Variants in SORCS2 observed in about 807,000 individuals in gnomAD.
SORCS2 encodes VPS10 domain-containing receptor SorCS2.
SORCS2 carries 100 observed loss-of-function variants against 141.6 expected under a neutral mutation model. The observed-to-expected ratio is 0.71, with a 90% confidence interval of 0.60 to 0.83. SORCS2 has a LOEUF of 0.83. Among genes scored for constraint, SORCS2 ranks in the 40% least tolerant of loss-of-function variants. The probability of loss-of-function intolerance (pLI) is 0.00; values close to 1 mark genes in which losing one functional copy is unlikely to be tolerated. For synonymous variants in SORCS2, 789 were observed against 676.9 expected (o/e 1.17, Z -2.57); for missense variants, 1,646 against 1,560.2 (o/e 1.05, Z -0.93).
intron 2 of SORCS2, among the ~76,000 whole-genome samples, chr4:7,514,405 C>G (rs957865769): frequency 1.3e-5 from 2 of 151,908 alleles, no homozygotes; most frequent in African/African-American, 4.8e-5. Flanking sequence ...GCACTCCTGC[C>G]CCTGGGAACC....
intron 3 of SORCS2, among the ~76,000 whole-genome samples, chr4:7,539,589 T>C (rs1712400416): frequency 6.6e-6 from 1 of 152,046 alleles, no homozygotes; most frequent in African/African-American, 2.4e-5. Context: ...TTCCTTCTCT[T>C]TGTCTCTCAC....
At position 7,286,989 on chromosome 4, in the gene SORCS2, C is replaced by T. The variant is rs1281702215; in HGVS notation, c.480+93863C>T. ...CGCTTCTTGCATCAGGTGGCTGCAG[C>T]CCGGCCTGGGAGTTGCCTCCTCCTC... On this transcript the variant is annotated intron_variant, in intron 1 of 26. Transcript: ENST00000507866. The surrounding 1 kb of genome is among the most constrained non-coding windows in gnomAD (Gnocchi z 4.1). 6.6e-6 allele frequency among the ~76,000 whole-genome samples: 1 copy of T among 152,206 alleles called. No individual in the cohort carries two copies. The highest frequency in any genetic ancestry group is 1.5e-5 in the Non-Finnish European group (1 of 68,032).
rs185140631 is a variant in SORCS2 at position 7,474,828 on chromosome 4, C to G, written c.549-56702C>G. Among the ~76,000 whole-genome samples, 59 of 152,272 alleles carry G rather than the reference C, an allele frequency of 3.9e-4. No homozygotes were observed. The East Asian group carries it at 9.9e-3, about 26-fold the overall frequency. On this transcript the variant is annotated intron_variant, in intron 2 of 26. Coordinates refer to ENST00000507866, the MANE Select transcript of SORCS2 (RefSeq NM_020777.3). The stretch of plus-strand genomic sequence containing the variant: ...TCTACAGCTCTGGGAGCCCGAAGCC[C>G]GGAACCAGGGGGTCTGCAGGGCCAG...
chr4:7,197,274 G>T (rs979319602), intron 1 of SORCS2, among the ~76,000 whole-genome samples: 1 of 152,138 alleles, frequency 6.6e-6, no homozygotes, highest in African/African-American at 2.4e-5. Context: ...CTCTTTAAAG[G>T]CCCTGCTTCC....
intron 2 of SORCS2, among the ~76,000 whole-genome samples, chr4:7,440,368 G>T (rs1276379814): frequency 6.6e-6 from 1 of 152,228 alleles, no homozygotes; most frequent in Non-Finnish European, 1.5e-5. Context: ...TGTAAGGGAG[G>T]GTTTGATGCT....
intron 1 of SORCS2, among the ~76,000 whole-genome samples, chr4:7,289,005 A>G (rs1182037948): frequency 6.6e-6 from 1 of 151,836 alleles, no homozygotes; most frequent in Non-Finnish European, 1.5e-5. Context: ...GCCCTGGGTC[A>G]CAGTCTTCTA....
chr4:7,386,957 T>A (rs28971021), intron 1 of SORCS2, among the ~76,000 whole-genome samples: 368 of 4,890 alleles, frequency 0.075, no homozygotes, highest in South Asian at 0.17. Context: ...TACACACATA[T>A]GCACACATGC....
intron 1 of SORCS2, among the ~76,000 whole-genome samples, chr4:7,305,720 C>T (rs568371436): frequency 6.6e-6 from 1 of 152,200 alleles, no homozygotes; most frequent in Non-Finnish European, 1.5e-5. Flanking sequence ...TCTAGGGAGA[C>T]CTTCTCGATG....
chr4:7,433,806 C>A, intron 2 of SORCS2: 4 of 1,613,758 alleles, frequency 2.5e-6, no homozygotes, highest in Non-Finnish European at 3.4e-6. Flanking sequence ...ACTTGCACAC[C>A]TTCTCTGGGG....
intron 1 of SORCS2, among the ~76,000 whole-genome samples, chr4:7,305,724 C>A (rs946117832): frequency 6.6e-6 from 1 of 152,180 alleles, no homozygotes; most frequent in African/African-American, 2.4e-5. Context: ...GGGAGACCTT[C>A]TCGATGCCGC....
At chr4:7,640,847 G>T (rs1202457769) in intron 4 of SORCS2, among the ~76,000 whole-genome samples, 2 of 152,128 alleles carry the variant, frequency 1.3e-5, no homozygotes, top group African/African-American at 4.8e-5. Context: ...GTCAGGGAAC[G>T]AGAGGAATAG....
chr4:7,357,974 T>C (rs1721354544), intron 1 of SORCS2, among the ~76,000 whole-genome samples: 1 of 152,180 alleles, frequency 6.6e-6, no homozygotes. Context: ...GCCTCTGGGG[T>C]CTGCACCTCT....
chr4:7,365,198 A>T (rs1721803531), intron 1 of SORCS2, among the ~76,000 whole-genome samples: 1 of 152,244 alleles, frequency 6.6e-6, no homozygotes, highest in African/African-American at 2.4e-5. Flanking sequence ...GTGAGCTGAT[A>T]GGACTGGTAT....
chr4:7,288,791 T>TGGG (rs770898060), intron 1 of SORCS2, among the ~76,000 whole-genome samples: 6 of 30,904 alleles, frequency 1.9e-4, no homozygotes, highest in African/African-American at 4.6e-4. Context: ...TCATGTGGGG[T>TGGG]GGGGGGGGGA....
At chr4:7,661,638 G>T in intron 6 of SORCS2, 74 bp downstream of exon 6, 1 of 1,395,802 alleles carries the variant, frequency 7.2e-7, no homozygotes, top group Non-Finnish European at 9.9e-7. Flanking sequence ...CTGCACGTGT[G>T]TTCAGTCGCT....
intron 1 of SORCS2, among the ~76,000 whole-genome samples, chr4:7,227,139 G>A (rs1729038747): frequency 6.6e-6 from 1 of 152,214 alleles, no homozygotes; most frequent in Admixed American, 6.5e-5. Flanking sequence ...ACATGCAGGA[G>A]GCCCTGCGGG....
At chr4:7,256,668 G>C (rs1237217824) in intron 1 of SORCS2, among the ~76,000 whole-genome samples, 1 of 151,618 alleles carries the variant, frequency 6.6e-6, no homozygotes, top group Non-Finnish European at 1.5e-5. Context: ...ACGTAATGTG[G>C]TTACCATCAA....
At chr4:7,617,772 G>A (rs1056783453) in intron 3 of SORCS2, among the ~76,000 whole-genome samples, 1 of 152,194 alleles carries the variant, frequency 6.6e-6, no homozygotes, top group South Asian at 2.1e-4. Context: ...CATGGGCTGT[G>A]TTTCTAGGGA....
At chr4:7,629,672 AC>A (rs1449631538) in intron 3 of SORCS2, among the ~76,000 whole-genome samples, 1 of 149,712 alleles carries the variant, frequency 6.7e-6, no homozygotes, top group Non-Finnish European at 1.5e-5. Flanking sequence ...CCTTTCCGGC[AC>A]CCCCAGCCAG....
Sources: gnomAD v4.1 joint callset for allele counts (sites outside exome capture counted in the v4.1 genomes callset) on GRCh38, gnomAD v4.1.1 for gene constraint, Gnocchi (gnomAD v3.1) non-coding constraint, MANE v1.5 for transcripts, NCBI Gene and HGNC (gene_info 2026-07-23, HGNC 2026-07-21) for gene names.